The following WDR1 variants were observed in gnomAD, a reference collection of about 807,000 sequenced individuals.
The protein encoded by WDR1 is WD repeat domain 1.
A neutral mutation model predicts 71.9 loss-of-function variants in WDR1; 21 were observed. The ratio of observed to expected loss-of-function variants is 0.29; its 90% CI spans 0.21 to 0.42. WDR1 has a LOEUF of 0.42. Ranked by LOEUF, WDR1 falls within the 10% of genes least tolerant of loss-of-function variation. The pLI is 1.00. For missense variants in WDR1, 696 were observed against 824.5 expected (o/e 0.84, Z 1.91); for synonymous variants, 424 against 347.4 (o/e 1.22, Z -2.45).
intron 14 of WDR1, 114 bp downstream of exon 14, chr4:10,077,190 G>A (rs1293991991): frequency 4.3e-6 from 6 of 1,384,332 alleles, no homozygotes; most frequent in East Asian, 2.5e-5. Flanking sequence ...CACCTGTCTA[G>A]AAGCACAGAG....
At chr4:10,083,748 A>C in intron 9 of WDR1, 1 of 455,044 alleles carries the variant, frequency 2.2e-6, no homozygotes, top group Non-Finnish European at 4.4e-6. Flanking sequence ...TGGTGGCTCC[A>C]AGGTTCAAGA....
In WDR1 at chr4:10,083,150, G is replaced by A. The variant is rs376187962; in HGVS notation, c.1068C>T (p.Asn356=). 30 of 1,613,802 alleles carry A rather than the reference G, an allele frequency of 1.9e-5. No individual in the cohort carries two copies. The highest frequency in any genetic ancestry group is 8.0e-5 in the African/African-American group (6 of 75,030). The part of the protein sequence containing the change: ...INYWDSETGE[N]DSFAGKGHTN... ...TGTGGCCTTTCCCAGCGAAGGAGTC[G>A]TTCTCCCCCGTCTCTGAATCCCAGT... is the stretch of plus-strand genomic sequence containing the variant. The change falls in exon 10 of 15, where the codon AAC becomes AAT. Residue 356 remains asparagine, a synonymous_variant. Transcript: ENST00000499869.
rs1764863266 is a variant in WDR1, at chr4:10,077,912, G to A, written c.1410C>T (p.Arg470=). ...GCGTGGTGCCCAGGATGGAATACAGGCGGACGTTGCCGTCCTACGGCAGGG... is the reference window on the plus strand; with the variant it reads ...GCGTGGTGCCCAGGATGGAATACAGACGGACGTTGCCGTCCTACGGCAGGG... The part of the protein sequence containing the change: ...VAIGGVDGNV[R]LYSILGTTLK... Residue 470 remains arginine, a synonymous_variant, in exon 13 of 15, where the codon CGC becomes CGT. Coordinates refer to ENST00000499869, the MANE Select transcript of WDR1 (RefSeq NM_017491.5). The A allele has an allele frequency of 1.2e-6, 2 of 1,607,196 alleles. No individual in the cohort carries two copies. Among genetic ancestry groups the A allele is most frequent in the Middle Eastern group, 1.7e-4 (1 of 6,044 alleles).
intron 12 of WDR1, among the ~76,000 whole-genome samples, chr4:10,078,252 T>C (rs528751104): frequency 1.3e-3 from 194 of 152,258 alleles, no homozygotes; most frequent in African/African-American, 4.6e-3. Flanking sequence ...GCCCCTAGCA[T>C]GGAGGGCACT....
chr4:10,101,260 T>C (rs1712669151), intron 3 of WDR1, among the ~76,000 whole-genome samples: 1 of 152,246 alleles, frequency 6.6e-6, no homozygotes, highest in Non-Finnish European at 1.5e-5. Context: ...TGCGCAGCCC[T>C]TCCCAAGGTT....
rs555354788 is a variant in WDR1 at position 10,075,042 on chromosome 4, G to C, written c.*336C>G. 737 of 395,588 alleles carry C rather than the reference G, an allele frequency of 1.9e-3. 3 individuals are homozygous for C. The highest frequency in any genetic ancestry group is 1.9e-3 in the Non-Finnish European group (419 of 220,532). 24.5% of individuals were successfully genotyped at this position (395,588 alleles called of 1,614,324 possible). On this transcript the variant is annotated 3_prime_UTR_variant, in exon 15 of 15. Coordinates refer to ENST00000499869, the MANE Select transcript of WDR1 (RefSeq NM_017491.5). ...CAACCTCCCCTGACAGATAGTGAGA[G>C]CCGCGGCGGGGCCAGGGGCTCTGTG... is the stretch of plus-strand genomic sequence containing the variant.
intron 5 of WDR1, among the ~76,000 whole-genome samples, chr4:10,089,431 A>T (rs1196045781): frequency 6.6e-6 from 1 of 152,240 alleles, no homozygotes; most frequent in Non-Finnish European, 1.5e-5. Context: ...AACAAAGTTA[A>T]TGATTATGAC....
chr4:10,108,911 C>G (rs1713187406), intron 2 of WDR1, among the ~76,000 whole-genome samples: 1 of 152,336 alleles, frequency 6.6e-6, no homozygotes, highest in Middle Eastern at 3.4e-3. Flanking sequence ...GACTACACAT[C>G]ATTTGTGCCC....
chr4:10,096,528 T>G (rs1364190628), intron 5 of WDR1: 2 of 152,294 alleles, frequency 1.3e-5, no homozygotes, highest in African/African-American at 4.8e-5. Flanking sequence ...CAGCTCAGCC[T>G]GCGGTTCCGT....
intron 6 of WDR1, 128 bp from the exon 7 acceptor site, chr4:10,088,501 A>C: frequency 8.6e-7 from 1 of 1,162,414 alleles, no homozygotes; most frequent in South Asian, 1.3e-5. Flanking sequence ...GTTTAAAAGC[A>C]GACATGCATT....
chr4:10,088,341 C>T lies in WDR1; in HGVS notation c.669G>A (p.Lys223=). The T allele has an allele frequency of 6.4e-7, 1 of 1,559,532 alleles. No homozygotes were observed. Among genetic ancestry groups the T allele is most frequent in the African/African-American group, 1.4e-5 (1 of 73,442 alleles). The part of the protein sequence containing the change: ...IYIYDGKTGE[K]VCALGGSKAH... ...CCTTGCTTCCGCCCAGCGCGCACAC[C>T]TTCTCCCCAGTCTTCCCGTCATAGA... Residue 223 remains lysine (K), a synonymous_variant, in exon 7 of 15, where the codon AAG becomes AAA. Transcript: ENST00000499869.
chr4:10,104,012 C>A, intron 2 of WDR1, 26 bp from the exon 3 acceptor site: 1 of 1,573,478 alleles, frequency 6.4e-7, no homozygotes, highest in East Asian at 2.3e-5. Context: ...CCGGAATGAA[C>A]AGAAGGAATG....
At chr4:10,100,788 G>A (rs1338641797) in intron 3 of WDR1, among the ~76,000 whole-genome samples, 1 of 152,242 alleles carries the variant, frequency 6.6e-6, no homozygotes, top group Non-Finnish European at 1.5e-5. Context: ...GGGGTCAGAA[G>A]AGGAAGTCAC....
chr4:10,111,283 G>A (rs1345328071), intron 2 of WDR1, among the ~76,000 whole-genome samples: 5 of 152,158 alleles, frequency 3.3e-5, no homozygotes, highest in African/African-American at 9.7e-5. Flanking sequence ...CAGTGCCACA[G>A]TAACAGCCCA....
Position 10,087,888 on chromosome 4 carries a change from G to A in WDR1, c.770C>T (p.Thr257Ile). The change falls in exon 8 of 15, where the codon ACT becomes ATT. Residue 257 changes from threonine (T) to isoleucine (I), a missense_variant. Transcript: ENST00000499869. Reference protein sequence around the residue: ...THLLSASGDKTSKIWDVSVNS... With the variant: ...THLLSASGDKISKIWDVSVNS... ...CACGCTGACGTCCCAAATCTTGGAA[G>A]TTTTGTCCCCAGAAGCAGAAAGCAA... The A allele has an allele frequency of 6.4e-7, 1 of 1,564,162 alleles. No individual in the cohort carries two copies. Among genetic ancestry groups the A allele is most frequent in the South Asian group, 1.2e-5 (1 of 84,948 alleles).
rs184753334 is a variant in WDR1 at position 10,086,635 on chromosome 4, C to T, written c.951+1072G>A. ...TCCAGGCTGGCCCACACTAGCCCTG[C>T]AGGGTTCAGACCCTCTGCAGAGGCT... On this transcript the variant is annotated intron_variant, in intron 8 of 14. Transcript: ENST00000499869. 2.0e-3 allele frequency among the ~76,000 whole-genome samples: 307 copies of T among 152,318 alleles called. 1 individual carries two copies. The highest frequency in any genetic ancestry group is 6.9e-3 in the African/African-American group (286 of 41,558).
chr4:10,078,794 T>C, intron 12 of WDR1, 97 bp downstream of exon 12: 5 of 1,060,184 alleles, frequency 4.7e-6, no homozygotes, highest in Non-Finnish European at 6.8e-6. Flanking sequence ...ACCCCTCGCC[T>C]TCCCTGAGAC....
chr4:10,085,409 T>C (rs563029175), intron 8 of WDR1, among the ~76,000 whole-genome samples: 6 of 152,296 alleles, frequency 3.9e-5, no homozygotes, highest in Non-Finnish European at 7.4e-5. Context: ...TACTTTCATC[T>C]TTTCCACAGA....
At chr4:10,113,025 G>T (rs1713482570) in intron 2 of WDR1, among the ~76,000 whole-genome samples, 1 of 152,164 alleles carries the variant, frequency 6.6e-6, no homozygotes, top group Non-Finnish European at 1.5e-5. Context: ...CTATTCCGGG[G>T]ACACCCCTCT....
Sources: allele counts gnomAD v4.1 joint callset (sites outside exome capture counted in the v4.1 genomes callset), GRCh38; gene constraint gnomAD v4.1.1; transcripts MANE v1.5; gene names NCBI Gene and HGNC (gene_info 2026-07-23, HGNC 2026-07-21).